Variants in NRCAM observed in about 807,000 individuals in gnomAD.
NRCAM encodes NgCAM-related cell adhesion molecule.
A neutral mutation model predicts 156.5 loss-of-function variants in NRCAM; 83 were observed. That is an observed-to-expected ratio of 0.53 (90% CI 0.44 to 0.64). The LOEUF is 0.64. Ranked by LOEUF, NRCAM falls within the 30% of genes least tolerant of loss-of-function variation. The probability of loss-of-function intolerance (pLI) is 0.00; values close to 1 mark genes in which losing one functional copy is unlikely to be tolerated. For synonymous variants in NRCAM, 538 were observed against 563.9 expected, an observed-to-expected ratio of 0.95 and a Z score of 0.65; for missense variants, 1,417 against 1,597.3, an observed-to-expected ratio of 0.89 and a Z score of 1.92.
At chr7:108,255,644 G>A (rs1193179871) in intron 3 of NRCAM, among the ~76,000 whole-genome samples, 1 of 151,860 alleles carries the variant, frequency 6.6e-6, no homozygotes, top group Non-Finnish European at 1.5e-5. Flanking sequence ...GGGATGTGAG[G>A]AGCGTCTCTG....
chr7:108,352,864 A>G (rs1240762387), intron 2 of NRCAM, among the ~76,000 whole-genome samples: 1 of 152,170 alleles, frequency 6.6e-6, no homozygotes, highest in Non-Finnish European at 1.5e-5. Context: ...GCTATAAAAT[A>G]TAAGTTTAAA....
chr7:108,207,661 T>C lies in NRCAM; in HGVS notation c.1076-2A>G. 1 of 1,593,036 alleles carries C rather than the reference T, an allele frequency of 6.3e-7. No homozygotes were observed. On this transcript the variant is annotated splice_acceptor_variant, in intron 12 of 32. Transcript: ENST00000379028. LOFTEE classifies it high-confidence loss of function. ...GGGCTGTGATCCAGTATGGAGCCGCTTTATAGGAGGAAGAAAAAAGACCAA... is the reference window on the plus strand; with the variant it reads ...GGGCTGTGATCCAGTATGGAGCCGCCTTATAGGAGGAAGAAAAAAGACCAA...
intron 3 of NRCAM, among the ~76,000 whole-genome samples, chr7:108,254,132 CTT>C (rs2096513155): frequency 6.6e-6 from 1 of 152,262 alleles, no homozygotes; most frequent in Non-Finnish European, 1.5e-5. Flanking sequence ...AACTGATAAA[CTT>C]AACATAATCA....
intron 11 of NRCAM, among the ~76,000 whole-genome samples, chr7:108,222,021 C>T (rs1588925719): frequency 6.7e-6 from 1 of 149,800 alleles, no homozygotes; most frequent in Admixed American, 6.6e-5. Context: ...AAGAAATAAA[C>T]TGAGCATATG....
intron 2 of NRCAM, among the ~76,000 whole-genome samples, chr7:108,357,549 T>C (rs777300849): frequency 5.3e-5 from 8 of 152,112 alleles, no homozygotes; most frequent in Non-Finnish European, 1.2e-4. Context: ...CAGGCTGGTC[T>C]TGAACTCCTA....
chr7:108,179,462 T>C (rs137969341), intron 25 of NRCAM, among the ~76,000 whole-genome samples: 91 of 152,330 alleles, frequency 6.0e-4, no homozygotes, highest in African/African-American at 2.0e-3. Flanking sequence ...ACAGAAGCTA[T>C]CTGGCCATTG....
At chr7:108,166,817 T>C (rs1585841618) in intron 30 of NRCAM, 104 bp downstream of exon 30, 1 of 1,002,394 alleles carries the variant, frequency 1.0e-6, no homozygotes, top group Non-Finnish European at 1.4e-6. Context: ...AAGACATTCA[T>C]GCCCTACCCA....
At chr7:108,392,917 T>A (rs1239528629) in intron 2 of NRCAM, among the ~76,000 whole-genome samples, 1 of 152,106 alleles carries the variant, frequency 6.6e-6, no homozygotes, top group Non-Finnish European at 1.5e-5. Flanking sequence ...GCCTCATCAT[T>A]CCTCTAGAAG....
chr7:108,410,692 C>G (rs1794309104), intron 1 of NRCAM, among the ~76,000 whole-genome samples: 1 of 152,184 alleles, frequency 6.6e-6, no homozygotes, highest in South Asian at 2.1e-4. Context: ...AACAGGTCAC[C>G]TCGTGAGGGT....
intron 1 of NRCAM, among the ~76,000 whole-genome samples, chr7:108,404,551 A>G (rs935392240): frequency 1.3e-5 from 2 of 152,222 alleles, no homozygotes; most frequent in African/African-American, 4.8e-5. Context: ...CCAAGACTAC[A>G]AGTATTTTGT....
chr7:108,191,397 T>C, intron 18 of NRCAM, 114 bp from the exon 19 acceptor site: 1 of 795,202 alleles, frequency 1.3e-6, no homozygotes. Flanking sequence ...TTAAGCCCTA[T>C]GCTTAGCTGT....
intron 1 of NRCAM, among the ~76,000 whole-genome samples, chr7:108,449,810 G>A (rs1848316284): frequency 6.6e-6 from 1 of 152,066 alleles, no homozygotes; most frequent in Non-Finnish European, 1.5e-5. Context: ...TTTTTTGAAT[G>A]CTCTCAGCCC....
At chr7:108,251,179 G>A (rs776842997) in intron 3 of NRCAM, among the ~76,000 whole-genome samples, 2 of 151,936 alleles carry the variant, frequency 1.3e-5, no homozygotes, top group Non-Finnish European at 2.9e-5. Flanking sequence ...TGTACCCTCC[G>A]GAAAGAAATA....
At chr7:108,347,255 C>A (rs1042571367) in intron 2 of NRCAM, among the ~76,000 whole-genome samples, 1 of 151,990 alleles carries the variant, frequency 6.6e-6, no homozygotes, top group African/African-American at 2.4e-5. Context: ...CCAGGATGGT[C>A]TCGATCTCCT....
intron 3 of NRCAM, among the ~76,000 whole-genome samples, chr7:108,264,099 G>A (rs189220913): frequency 1.3e-5 from 2 of 152,066 alleles, no homozygotes; most frequent in East Asian, 3.9e-4. Flanking sequence ...TGCCTCAGCT[G>A]CGCAAGTAGC....
intron 3 of NRCAM, among the ~76,000 whole-genome samples, chr7:108,282,858 T>C (rs1330727630): frequency 6.6e-6 from 1 of 152,188 alleles, no homozygotes; most frequent in Admixed American, 6.5e-5. Flanking sequence ...GTTCTCAAAC[T>C]CTACTGCACA....
intron 1 of NRCAM, among the ~76,000 whole-genome samples, chr7:108,419,322 C>G (rs1323468339): frequency 6.6e-6 from 1 of 152,136 alleles, no homozygotes; most frequent in Non-Finnish European, 1.5e-5. Context: ...ATAATTTTCT[C>G]CTATACATCC....
chr7:108,378,042 A>C (rs1326372948), intron 2 of NRCAM, among the ~76,000 whole-genome samples: 1 of 152,218 alleles, frequency 6.6e-6, no homozygotes, highest in East Asian at 1.9e-4. Context: ...ACCTTACAGA[A>C]TTCATACAGA....
At chr7:108,346,312 T>A (rs917778610) in intron 2 of NRCAM, among the ~76,000 whole-genome samples, 1 of 152,226 alleles carries the variant, frequency 6.6e-6, no homozygotes, top group Non-Finnish European at 1.5e-5. Context: ...ACTAAAATTA[T>A]TTGAGTCTCC....
Sources: allele counts gnomAD v4.1 joint callset (sites outside exome capture counted in the v4.1 genomes callset), GRCh38; gene constraint gnomAD v4.1.1; transcripts MANE v1.5; gene names NCBI Gene and HGNC (gene_info 2026-07-23, HGNC 2026-07-21).